The following CNTNAP5 variants were observed in gnomAD, a reference collection of about 807,000 sequenced individuals.
The protein encoded by CNTNAP5 is contactin-associated protein-like 5.
CNTNAP5 carries 72 observed loss-of-function variants against 150.2 expected under a neutral mutation model. That is an observed-to-expected ratio of 0.48 (90% CI 0.40 to 0.58). CNTNAP5 has a LOEUF of 0.58. Ranked by LOEUF, CNTNAP5 falls within the 20% of genes least tolerant of loss-of-function variation. The pLI, the probability that CNTNAP5 is intolerant of heterozygous loss-of-function variation, is 0.00. For synonymous variants in CNTNAP5, 672 were observed against 619.8 expected, an observed-to-expected ratio of 1.08 and a Z score of -1.25; for missense variants, 1,636 against 1,626.2, an observed-to-expected ratio of 1.01 and a Z score of -0.10.
At chr2:124,774,877 C>T (rs761635400) in intron 17 of CNTNAP5, among the ~76,000 whole-genome samples, 8 of 152,128 alleles carry the variant, frequency 5.3e-5, no homozygotes, top group South Asian at 2.1e-4. Flanking sequence ...AAGGGAAAGG[C>T]GGCAGCTGTG....
At chr2:124,793,535 A>G (rs1389042305) in intron 18 of CNTNAP5, among the ~76,000 whole-genome samples, 1 of 152,126 alleles carries the variant, frequency 6.6e-6, no homozygotes, top group Non-Finnish European at 1.5e-5. Flanking sequence ...AATTCTGATC[A>G]AGTTCATTTT....
chr2:124,314,418 G>C (rs1279496253), intron 3 of CNTNAP5, among the ~76,000 whole-genome samples: 2 of 152,106 alleles, frequency 1.3e-5, no homozygotes, highest in African/African-American at 4.8e-5. Context: ...CCCATATTTT[G>C]TCTTTGGGAG....
At position 124,564,472 on chromosome 2, in the gene CNTNAP5, C is replaced by T. The variant is rs577023293; in HGVS notation, c.1756+1149C>T. Among the ~76,000 whole-genome samples the T allele has an allele frequency of 3.3e-5, 5 of 152,286 alleles. No homozygotes were observed. The East Asian group carries it at 9.7e-4, about 29-fold the overall frequency. On this transcript the variant is annotated intron_variant, in intron 11 of 23. Transcript: ENST00000682447. ...CTGGTTTCAAGTGATTCTCCTGCCTCAGCCTCCTGAATATCTGGGATTACA... is the reference window on the plus strand; with the variant it reads ...CTGGTTTCAAGTGATTCTCCTGCCTTAGCCTCCTGAATATCTGGGATTACA...
At chr2:124,122,939 G>GT (rs772789403) in intron 1 of CNTNAP5, among the ~76,000 whole-genome samples, 6 of 152,046 alleles carry the variant, frequency 3.9e-5, no homozygotes, top group Non-Finnish European at 7.4e-5. Flanking sequence ...AAGCAGATGA[G>GT]TTTTTTTCAG....
In CNTNAP5 at chr2:124,775,608, CT is replaced by C. The variant is rs1681305581; in HGVS notation, c.2752+2592del. Among the ~76,000 whole-genome samples, 2 of 152,160 alleles carry C rather than the reference CT, an allele frequency of 1.3e-5. 1 individual carries two copies. Among genetic ancestry groups the C allele is most frequent in the South Asian group, 4.1e-4 (2 of 4,830 alleles). On this transcript the variant is annotated intron_variant, in intron 17 of 23. Coordinates refer to ENST00000682447, the MANE Select transcript of CNTNAP5 (RefSeq NM_001367498.1). ...TAGGATGTTCCTCTCAGCACTGCCCCTGTCATTGGAATGTGACAGGTTGAAG... is the reference window on the plus strand; with the variant it reads ...TAGGATGTTCCTCTCAGCACTGCCCCGTCATTGGAATGTGACAGGTTGAAG...
At chr2:124,884,000 C>T (rs1678026147) in intron 21 of CNTNAP5, among the ~76,000 whole-genome samples, 1 of 152,064 alleles carries the variant, frequency 6.6e-6, no homozygotes, top group African/African-American at 2.4e-5. Context: ...CATGTACATG[C>T]ATGCCCATGC....
chr2:124,053,415 G>A (rs1681760284), intron 1 of CNTNAP5, among the ~76,000 whole-genome samples: 1 of 152,196 alleles, frequency 6.6e-6, no homozygotes, highest in South Asian at 2.1e-4. Context: ...CCAGCCCAGA[G>A]AGCATCAACC....
chr2:124,166,483 C>A (rs1684812486), intron 1 of CNTNAP5, among the ~76,000 whole-genome samples: 1 of 152,138 alleles, frequency 6.6e-6, no homozygotes. Flanking sequence ...CTCTAACTGT[C>A]AGATCAGCTT....
At chr2:124,809,409 T>C (rs1682156205) in intron 19 of CNTNAP5, among the ~76,000 whole-genome samples, 1 of 150,878 alleles carries the variant, frequency 6.6e-6, no homozygotes, top group Non-Finnish European at 1.5e-5. Flanking sequence ...TTTATTTATT[T>C]ATTTATTTAT....
chr2:124,543,528 T>G (rs1695438239), intron 10 of CNTNAP5, among the ~76,000 whole-genome samples: 1 of 152,082 alleles, frequency 6.6e-6, no homozygotes, highest in Non-Finnish European at 1.5e-5. Flanking sequence ...AACAAAAAAT[T>G]TTCGTGGAAG....
chr2:124,149,286 G>A (rs1316994442), intron 1 of CNTNAP5, among the ~76,000 whole-genome samples: 1 of 151,396 alleles, frequency 6.6e-6, no homozygotes, highest in Non-Finnish European at 1.5e-5. Flanking sequence ...AAGAGAGGAA[G>A]TGGCCTGTTC....
intron 3 of CNTNAP5, among the ~76,000 whole-genome samples, chr2:124,362,852 T>C (rs1690255354): frequency 6.6e-6 from 1 of 152,228 alleles, no homozygotes; most frequent in Non-Finnish European, 1.5e-5. Context: ...AGTAATCGAC[T>C]ACATTCTATT....
chr2:124,742,246 T>C (rs1351972335), intron 13 of CNTNAP5, among the ~76,000 whole-genome samples: 6 of 152,216 alleles, frequency 3.9e-5, no homozygotes, highest in Non-Finnish European at 8.8e-5. Flanking sequence ...AACTTTTTTC[T>C]TTTAATTTGT....
At chr2:124,471,093 T>C (rs1693503632) in intron 6 of CNTNAP5, among the ~76,000 whole-genome samples, 1 of 152,192 alleles carries the variant, frequency 6.6e-6, no homozygotes, top group African/African-American at 2.4e-5. Context: ...AAGAGTTTCT[T>C]CTAATTTCAT....
At chr2:124,407,720 G>T (rs1224330530) in intron 3 of CNTNAP5, among the ~76,000 whole-genome samples, 1 of 152,112 alleles carries the variant, frequency 6.6e-6, no homozygotes, top group East Asian at 1.9e-4. Flanking sequence ...AGATCATCTG[G>T]GTTCTAGGTG....
At chr2:124,372,906 T>C (rs1367650869) in intron 3 of CNTNAP5, among the ~76,000 whole-genome samples, 1 of 152,046 alleles carries the variant, frequency 6.6e-6, no homozygotes, top group Non-Finnish European at 1.5e-5. Context: ...CAAATATGCA[T>C]GTGAGGAAGA....
At chr2:124,296,701 G>A (rs1228327902) in intron 3 of CNTNAP5, among the ~76,000 whole-genome samples, 2 of 152,132 alleles carry the variant, frequency 1.3e-5, no homozygotes, top group African/African-American at 4.8e-5. Flanking sequence ...TCTTAGTATA[G>A]AGACCTTGAC....
rs1470635158 is a variant in CNTNAP5 at position 124,798,214 on chromosome 2, C to A, written c.3111C>A (p.Ser1037=). ...CTATTTACACAGATTCAGCTCCATC[C>A]AAGGAAAACATTGCACTTAGCTTTG... ...SSAIYTDSAP[S]KENIALSFVT... Residue 1037 remains serine (S), a synonymous_variant, in exon 19 of 24, where the codon TCC becomes TCA. Coordinates refer to ENST00000682447, the MANE Select transcript of CNTNAP5 (RefSeq NM_001367498.1). 6.2e-7 allele frequency: 1 copy of A among 1,613,738 alleles called. No individual in the cohort carries two copies. Among genetic ancestry groups the A allele is most frequent in the Admixed American group, 1.7e-5 (1 of 59,998 alleles).
At chr2:124,814,243 C>CT (rs113061644) in intron 19 of CNTNAP5, among the ~76,000 whole-genome samples, 477 of 143,196 alleles carry the variant, frequency 3.3e-3, no homozygotes, top group East Asian at 0.017. Flanking sequence ...CTCGAATCCT[C>CT]TTTTTTTTTT....
Sources: allele counts gnomAD v4.1 joint callset (sites outside exome capture counted in the v4.1 genomes callset), GRCh38; gene constraint gnomAD v4.1.1; transcripts MANE v1.5; gene names NCBI Gene and HGNC (gene_info 2026-07-23, HGNC 2026-07-21).